SIK2: variants seen among roughly 807,000 people sequenced by gnomAD.
SIK2 encodes the protein salt inducible kinase 2, also known as serine/threonine-protein kinase SIK2.
Under a neutral mutation model 103.2 loss-of-function variants are expected in SIK2, and 29 were observed. The ratio of observed to expected loss-of-function variants is 0.28; its 90% CI spans 0.21 to 0.38. The LOEUF is 0.38. SIK2 is among the 10% of genes least tolerant of loss of function. The pLI, the probability that SIK2 is intolerant of heterozygous loss-of-function variation, is 1.00. For missense variants in SIK2, 879 were observed against 1,171.0 expected, an observed-to-expected ratio of 0.75 and a Z score of 3.64; for synonymous variants, 412 against 446.1, an observed-to-expected ratio of 0.92 and a Z score of 0.96.
chr11:111,602,464 G>GAAGGAGCA lies in SIK2; in HGVS notation c.-98_-91dup. On this transcript the variant is annotated 5_prime_UTR_variant, in exon 1 of 15. Transcript: ENST00000304987. This position sits in a 1 kb window ranked among gnomAD's most constrained non-coding sequence, Gnocchi z 4.5. The stretch of plus-strand genomic sequence containing the variant: ...AGCGGGAGGGAAGGAGCGAAGGAGC[G>GAAGGAGCA]AAGGAGCAAGCGGAGCGGCCGTCGC... 2 of 1,294,866 alleles carry GAAGGAGCA rather than the reference G, an allele frequency of 1.5e-6. No homozygotes were observed. The highest frequency in any genetic ancestry group is 1.6e-5 in the African/African-American group (1 of 64,224). The allele number at this position is 1,294,866 out of a possible 1,614,324, so 80.2% of individuals were successfully genotyped here.
At chr11:111,651,194 A>C (rs1942322028) in intron 3 of SIK2, among the ~76,000 whole-genome samples, 1 of 152,178 alleles carries the variant, frequency 6.6e-6, no homozygotes, top group Non-Finnish European at 1.5e-5. Context: ...AATCTGTAGG[A>C]ATTAGGTAGA....
chr11:111,726,566 G>A lies in SIK2; in HGVS notation c.*2437G>A, dbSNP rs1943974233. 5.2e-6 allele frequency: 1 copy of A among 191,248 alleles called. No individual in the cohort carries two copies. Among genetic ancestry groups the A allele is most frequent in the African/African-American group, 2.3e-5 (1 of 43,236 alleles). The allele number at this position is 191,248 out of a possible 1,614,324, so 11.8% of individuals were successfully genotyped here. ...AAATCAATAAATTCCATAACCCTCT[G>A]TATTGACTGCAATGTAAGCTGCTGA... On this transcript the variant is annotated 3_prime_UTR_variant, in exon 15 of 15. Coordinates refer to ENST00000304987, the MANE Select transcript of SIK2 (RefSeq NM_015191.3).
intron 3 of SIK2, among the ~76,000 whole-genome samples, chr11:111,669,799 C>G (rs1357992925): frequency 6.6e-6 from 1 of 152,162 alleles, no homozygotes. Flanking sequence ...TTAACCCCCT[C>G]CCATCCTCTC....
chr11:111,639,417 C>T lies in SIK2; in HGVS notation c.316+19015C>T, dbSNP rs533616197. On this transcript the variant is annotated intron_variant, in intron 3 of 14. Transcript: ENST00000304987. ...GGCATGCTTGGGATGCCTGTGCCTG[C>T]TCAGAAATCCAGAATTTGCCTTCAG... Among the ~76,000 whole-genome samples, 13 of 152,324 alleles carry T rather than the reference C, an allele frequency of 8.5e-5. No homozygotes were observed. In the South Asian group the frequency reaches 2.7e-3, roughly 32 times the overall value.
At chr11:111,646,125 A>G (rs1041882997) in intron 3 of SIK2, among the ~76,000 whole-genome samples, 3 of 151,416 alleles carry the variant, frequency 2.0e-5, no homozygotes, top group South Asian at 4.1e-4. Flanking sequence ...TTATTGAGGT[A>G]TGATTGACAT....
In SIK2 at chr11:111,721,286, T is replaced by A. The variant is rs908490410; in HGVS notation, c.1944+224T>A. On this transcript the variant is annotated intron_variant, in intron 12 of 14. Coordinates refer to ENST00000304987, the MANE Select transcript of SIK2 (RefSeq NM_015191.3). ...CAATACCAGATGGAGGCCTGGACAC[T>A]CTCAAGCTGTTTTTGGCTCACAGGG... Among the ~76,000 whole-genome samples, 6 of 152,112 alleles carry A rather than the reference T, an allele frequency of 3.9e-5. No homozygotes were observed. In the South Asian group the frequency reaches 6.2e-4, roughly 16 times the overall value.
At chr11:111,709,473 A>G (rs1305357293) in intron 8 of SIK2, among the ~76,000 whole-genome samples, 2 of 152,212 alleles carry the variant, frequency 1.3e-5, no homozygotes. Context: ...TTTCATTTTA[A>G]TGGTTCTGGA....
Position 111,701,058 on chromosome 11 carries a change from A to T in SIK2, c.603+48A>T, listed in dbSNP as rs182726304. On this transcript the variant is annotated intron_variant, in intron 5 of 14. Coordinates refer to ENST00000304987, the MANE Select transcript of SIK2 (RefSeq NM_015191.3). This position sits in a 1 kb window ranked among gnomAD's most constrained non-coding sequence, Gnocchi z 4.2. Reference sequence around the variant, plus strand: ...TGTTAAATGCATCTATACTGATAATACTTGGTGTTCTGGCCCATCTTAGAA... The same window carrying T: ...TGTTAAATGCATCTATACTGATAATTCTTGGTGTTCTGGCCCATCTTAGAA... 2.5e-6 allele frequency: 4 copies of T among 1,584,954 alleles called. No homozygotes were observed. Among genetic ancestry groups the T allele is most frequent in the Non-Finnish European group, 3.4e-6 (4 of 1,161,782 alleles).
rs1325469785 is a variant in SIK2, at chr11:111,721,027, C to T, written c.1909C>T (p.Pro637Ser). The T allele has an allele frequency of 8.1e-6, 13 of 1,613,886 alleles. No homozygotes were observed. The highest frequency in any genetic ancestry group is 9.3e-6 in the Non-Finnish European group (11 of 1,179,942). ...EADPNLAPAA[P>S]QLQDLASSCP... is the part of the protein sequence containing the mutation. ...AGACCCTAACCTGGCGCCGGCGGCT[C>T]CTCAGCTCCAGGACCTTGCTAGCAG... The change falls in exon 12 of 15, where the codon CCT becomes TCT. Residue 637 changes from proline (P) to serine (S), a missense_variant. Pro to Ser is a moderately conservative substitution (Grantham distance 74, BLOSUM62 -1). Transcript: ENST00000304987.
Position 111,703,321 on chromosome 11 carries a change from C to T in SIK2, c.846C>T (p.Leu282=). The change falls in exon 7 of 15, where the codon CTC becomes CTT. Residue 282 remains leucine (L), a synonymous_variant. Transcript: ENST00000304987. ...AAGTTCCTGTCCAGAGACCTGTTCT[C>T]TATCCACAAGAGCAAGAAAATGAGC... ...LIEVPVQRPV[L]YPQEQENEPS... 26 of 1,614,196 alleles carry T rather than the reference C, an allele frequency of 1.6e-5. No individual in the cohort carries two copies. Among genetic ancestry groups the T allele is most frequent in the Non-Finnish European group, 2.2e-5 (26 of 1,180,028 alleles).
intron 3 of SIK2, among the ~76,000 whole-genome samples, chr11:111,635,228 C>T (rs986232498): frequency 6.6e-6 from 1 of 151,980 alleles, no homozygotes. Context: ...CTAGTTCCGC[C>T]ATTGACTTCT....
In SIK2 at chr11:111,688,319, A is replaced by G. The variant is rs1391293353; in HGVS notation, c.478+157A>G. Among the ~76,000 whole-genome samples, 5 of 152,218 alleles carry G rather than the reference A, an allele frequency of 3.3e-5. No individual in the cohort carries two copies. The highest frequency in any genetic ancestry group is 1.2e-4 in the African/African-American group (5 of 41,450). ...TATTCATTTCCTTAGTTCTGTGTGT[A>G]ATTAAAAGTAAGGGAATGAGTTCAT... On this transcript the variant is annotated intron_variant, in intron 4 of 14. Coordinates refer to ENST00000304987, the MANE Select transcript of SIK2 (RefSeq NM_015191.3). This position sits in a 1 kb window ranked among gnomAD's most constrained non-coding sequence, Gnocchi z 4.2.
At chr11:111,720,172 A>C (rs1248814363) in intron 10 of SIK2, among the ~76,000 whole-genome samples, 169 bp downstream of exon 10, 1 of 152,216 alleles carries the variant, frequency 6.6e-6, no homozygotes, top group Non-Finnish European at 1.5e-5. Context: ...GCAGCTATCA[A>C]AGGTGAATTG....
At chr11:111,706,762 T>C (rs1017582800) in intron 8 of SIK2, among the ~76,000 whole-genome samples, 4 of 151,750 alleles carry the variant, frequency 2.6e-5, no homozygotes, top group Admixed American at 6.6e-5. Flanking sequence ...TAGATCAAGA[T>C]CATCCTGGCC....
At chr11:111,621,595 G>A (rs1591591137) in intron 3 of SIK2, among the ~76,000 whole-genome samples, 1 of 152,014 alleles carries the variant, frequency 6.6e-6, no homozygotes, top group Non-Finnish European at 1.5e-5. Flanking sequence ...CTACCTTCAG[G>A]TAATACTTAC....
chr11:111,652,438 T>C (rs1464366474), intron 3 of SIK2, among the ~76,000 whole-genome samples: 1 of 152,140 alleles, frequency 6.6e-6, no homozygotes, highest in East Asian at 1.9e-4. Flanking sequence ...CGGTGAGAGA[T>C]TGTATGTCAT....
intron 8 of SIK2, among the ~76,000 whole-genome samples, chr11:111,711,513 G>A (rs1451478494): frequency 6.6e-6 from 1 of 152,220 alleles, no homozygotes; most frequent in Admixed American, 6.5e-5. Context: ...ACCATCAGGA[G>A]CTTTCTATAG....
At chr11:111,624,728 A>G (rs1033824098) in intron 3 of SIK2, among the ~76,000 whole-genome samples, 4 of 152,224 alleles carry the variant, frequency 2.6e-5, no homozygotes, top group African/African-American at 9.6e-5. Flanking sequence ...TTAGATAGTG[A>G]TGAGTGCTAT....
At chr11:111,706,794 T>C (rs933843581) in intron 8 of SIK2, among the ~76,000 whole-genome samples, 1 of 151,954 alleles carries the variant, frequency 6.6e-6, no homozygotes, top group African/African-American at 2.4e-5. Flanking sequence ...ACCCCGTCTC[T>C]ACTAAAAATA....
Sources: allele counts gnomAD v4.1 joint callset (sites outside exome capture counted in the v4.1 genomes callset), GRCh38; gene constraint gnomAD v4.1.1; non-coding constraint Gnocchi (gnomAD v3.1); transcripts MANE v1.5; gene names NCBI Gene and HGNC (gene_info 2026-07-23, HGNC 2026-07-21).